The following EIF4ENIF1 variants were observed in gnomAD, a reference collection of about 807,000 sequenced individuals.
EIF4ENIF1 encodes eukaryotic translation initiation factor 4E transporter.
A neutral mutation model predicts 110.5 loss-of-function variants in EIF4ENIF1; 23 were observed. That is an observed-to-expected ratio of 0.21 (90% CI 0.15 to 0.29). The LOEUF (loss-of-function observed/expected upper bound fraction) is 0.29, where lower values mean the gene tolerates loss of function less well. Ranked by LOEUF, EIF4ENIF1 falls within the 10% of genes least tolerant of loss-of-function variation. The probability of loss-of-function intolerance (pLI) is 1.00; values close to 1 mark genes in which losing one functional copy is unlikely to be tolerated. For missense variants in EIF4ENIF1, 1,031 were observed against 1,221.1 expected, an observed-to-expected ratio of 0.84 and a Z score of 2.32; for synonymous variants, 440 against 437.0, an observed-to-expected ratio of 1.01 and a Z score of -0.09.
In EIF4ENIF1 at chr22:31,489,688, CCTTACTCGGT is replaced by C. The variant is rs2052190065; in HGVS notation, c.-32_-28+5del. ...GGACCCAGCCGCCACCGCCGCCGAC[CCTTACTCGGT>C]GCCTCCGCCGCTCGGCGGCCCTTTG... is the stretch of plus-strand genomic sequence containing the variant. On this transcript the variant is annotated splice_donor_variant and splice_donor_5th_base_variant and 5_prime_UTR_variant and intron_variant, in exon 1 of 19. Transcript: ENST00000330125. LOFTEE classifies it low-confidence loss of function (5UTR_SPLICE). The C allele has an allele frequency of 6.6e-6, 1 of 150,776 alleles. No homozygotes were observed. The highest frequency in any genetic ancestry group is 1.5e-5 in the Non-Finnish European group (1 of 67,694). 9.3% of individuals were successfully genotyped at this position (150,776 alleles called of 1,614,324 possible).
At chr22:31,471,544 G>C (rs2051380296) in intron 3 of EIF4ENIF1, among the ~76,000 whole-genome samples, 1 of 152,162 alleles carries the variant, frequency 6.6e-6, no homozygotes, top group Non-Finnish European at 1.5e-5. Flanking sequence ...TCGATCTCCT[G>C]ACCTCGTGAT....
At chr22:31,460,945 A>AAAAC (rs200629780) in intron 6 of EIF4ENIF1, among the ~76,000 whole-genome samples, 7,038 of 152,194 alleles carry the variant, frequency 0.046, 156 homozygotes, top group African/African-American at 0.055. Context: ...ACTCCATCTC[A>AAAAC]AAACAAACAA....
intron 2 of EIF4ENIF1, among the ~76,000 whole-genome samples, chr22:31,483,711 T>TA (rs2051914613): frequency 6.6e-6 from 1 of 152,136 alleles, no homozygotes; most frequent in Non-Finnish European, 1.5e-5. Context: ...AACCACTGTC[T>TA]AAACCACTCT....
chr22:31,478,313 G>C (rs935529359), intron 2 of EIF4ENIF1, among the ~76,000 whole-genome samples: 1 of 151,990 alleles, frequency 6.6e-6, no homozygotes, highest in Admixed American at 6.6e-5. Flanking sequence ...AGGAGTTCAT[G>C]AGCAGCCTGG....
chr22:31,457,682 C>A (rs2050871812), intron 7 of EIF4ENIF1, among the ~76,000 whole-genome samples: 1 of 152,132 alleles, frequency 6.6e-6, no homozygotes, highest in Admixed American at 6.5e-5. Flanking sequence ...AATTAAGCCA[C>A]AATATACTTC....
intron 11 of EIF4ENIF1, 96 bp from the exon 12 acceptor site, chr22:31,449,627 T>A: frequency 8.8e-7 from 1 of 1,139,104 alleles, no homozygotes; most frequent in Non-Finnish European, 1.2e-6. Flanking sequence ...ACAAGATGGA[T>A]CTCCCTCATG....
In EIF4ENIF1 at chr22:31,488,617, C is replaced by T; in HGVS notation, c.96+6G>A. 6.2e-7 allele frequency: 1 copy of T among 1,613,966 alleles called. No homozygotes were observed. Among genetic ancestry groups the T allele is most frequent in the Non-Finnish European group, 8.5e-7 (1 of 1,179,964 alleles). ...GAAACACTATTTCATTAGTGGCAAACCTTACTTTTGTATAGCGATGGGGGC... is the reference window on the plus strand; with the variant it reads ...GAAACACTATTTCATTAGTGGCAAATCTTACTTTTGTATAGCGATGGGGGC... On this transcript the variant is annotated splice_donor_region_variant and intron_variant, in intron 2 of 18. Transcript: ENST00000330125.
At chr22:31,456,527 AT>A (rs1167271481) in intron 7 of EIF4ENIF1, among the ~76,000 whole-genome samples, 1 of 147,406 alleles carries the variant, frequency 6.8e-6, no homozygotes, top group East Asian at 2.0e-4. Flanking sequence ...CCGGTCTACT[AT>A]TTTTTTAAGA....
chr22:31,441,080 C>T (rs1279339101), intron 17 of EIF4ENIF1, among the ~76,000 whole-genome samples: 9 of 152,086 alleles, frequency 5.9e-5, no homozygotes, highest in African/African-American at 2.2e-4. Flanking sequence ...CATGGTGAAA[C>T]CCTGTCTCTA....
chr22:31,456,586 C>T (rs2050839345), intron 7 of EIF4ENIF1, among the ~76,000 whole-genome samples: 1 of 152,104 alleles, frequency 6.6e-6, no homozygotes, highest in Admixed American at 6.6e-5. Context: ...GCAATCTTGG[C>T]TCACTGCAAC....
intron 2 of EIF4ENIF1, among the ~76,000 whole-genome samples, chr22:31,476,200 C>T (rs770438961): frequency 6.6e-6 from 1 of 152,056 alleles, no homozygotes; most frequent in African/African-American, 2.4e-5. Flanking sequence ...TACTAAGAAC[C>T]CTAATGTGCT....
In EIF4ENIF1 at chr22:31,464,498, T is replaced by G. The variant is rs1601608173; in HGVS notation, c.299-531A>C. On this transcript the variant is annotated intron_variant, in intron 4 of 18. Transcript: ENST00000330125. ...TTCAAGACCAGCCTGGCCAAGATGGTGAAACCCCGTCTCTACTAAAACTAC... is the reference window on the plus strand; with the variant it reads ...TTCAAGACCAGCCTGGCCAAGATGGGGAAACCCCGTCTCTACTAAAACTAC... Among the ~76,000 whole-genome samples, 13 of 150,584 alleles carry G rather than the reference T, an allele frequency of 8.6e-5. No homozygotes were observed. In the South Asian group the frequency reaches 2.8e-3, roughly 32 times the overall value.
Position 31,447,200 on chromosome 22 carries a change from CG to C in EIF4ENIF1, c.1988+225del, listed in dbSNP as rs946569417. ...AAAAAAGTAATTTATAAATCAAGAACGGAAATAAAACCATATAGAATGAAAG... is the reference window on the plus strand; with the variant it reads ...AAAAAAGTAATTTATAAATCAAGAACGAAATAAAACCATATAGAATGAAAG... On this transcript the variant is annotated intron_variant, in intron 14 of 18. Coordinates refer to ENST00000330125, the MANE Select transcript of EIF4ENIF1 (RefSeq NM_019843.4). Among the ~76,000 whole-genome samples the C allele has an allele frequency of 4.6e-5, 7 of 152,076 alleles. No homozygotes were observed. The East Asian group carries it at 1.3e-3, about 29-fold the overall frequency.
At chr22:31,456,952 T>G (rs2050850073) in intron 7 of EIF4ENIF1, among the ~76,000 whole-genome samples, 1 of 152,244 alleles carries the variant, frequency 6.6e-6, no homozygotes, top group Non-Finnish European at 1.5e-5. Flanking sequence ...ACTGACAAGC[T>G]GATGAGTGAC....
intron 7 of EIF4ENIF1, among the ~76,000 whole-genome samples, chr22:31,456,253 T>G (rs1329821213): frequency 2.7e-5 from 4 of 148,144 alleles, no homozygotes; most frequent in Non-Finnish European, 6.0e-5. Flanking sequence ...AGACAGAGTC[T>G]CGCTCTGTCA....
chr22:31,479,254 A>G (rs1184987976), intron 2 of EIF4ENIF1: 1 of 152,080 alleles, frequency 6.6e-6, no homozygotes, highest in Non-Finnish European at 1.5e-5. Context: ...GTATTTTAGT[A>G]GAGATGCGGT....
chr22:31,452,591 A>G (rs966878472), intron 10 of EIF4ENIF1, among the ~76,000 whole-genome samples: 1 of 152,230 alleles, frequency 6.6e-6, no homozygotes, highest in African/African-American at 2.4e-5. Context: ...CCATATTTTT[A>G]GTTGCTCACA....
In EIF4ENIF1 at chr22:31,464,675, C is replaced by CAAAAAAAAAAAAAAAAAA. The variant is rs770904708; in HGVS notation, c.299-726_299-709dup. 9.7e-5 allele frequency among the ~76,000 whole-genome samples: 3 copies of CAAAAAAAAAAAAAAAAAA among 30,912 alleles called. 1 individual carries two copies. Among genetic ancestry groups the CAAAAAAAAAAAAAAAAAA allele is most frequent in the African/African-American group, 3.5e-4 (1 of 2,856 alleles). The allele number at this position is 30,912 out of a possible 152,430, so 20.3% of individuals were successfully genotyped here. A position where few individuals can be genotyped will look rare whatever the true frequency, so the allele number is the denominator to read the frequency against. ...TGGGCAAAAGACTAAGATTCAGTCT[C>CAAAAAAAAAAAAAAAAAA]AAAAAAAAAAAAAAAAAAAAAAAAA... On this transcript the variant is annotated intron_variant, in intron 4 of 18. Transcript: ENST00000330125.
chr22:31,463,755 G>A lies in EIF4ENIF1; in HGVS notation c.511C>T (p.Arg171Cys), dbSNP rs1423565989. 4.3e-6 allele frequency: 7 copies of A among 1,613,626 alleles called. No individual in the cohort carries two copies. The Admixed American group carries it at 6.7e-5, about 15-fold the overall frequency. Residue 171 changes from arginine to cysteine, a missense_variant, in exon 5 of 19, where the codon CGT (arginine) becomes TGT (cysteine). Arg to Cys is a radical substitution (Grantham distance 180). This residue lies in a region of EIF4ENIF1 where 704 missense variants were observed against 879.7 expected (regional missense o/e 0.80). Coordinates refer to ENST00000330125, the MANE Select transcript of EIF4ENIF1 (RefSeq NM_019843.4). ...TCCCGCAGGTCCTTATCGCTAAGAC[G>A]GTGATCCTTCTCAAAGGTCCGGGCA... Reference protein sequence around the residue: ...ISARTFEKDHRLSDKDLRDLR... With the variant: ...ISARTFEKDHCLSDKDLRDLR...
Sources: gnomAD v4.1 joint callset for allele counts (sites outside exome capture counted in the v4.1 genomes callset) on GRCh38, gnomAD v4.1.1 for gene constraint, gnomAD v4.1.1 regional missense constraint, MANE v1.5 for transcripts, NCBI Gene and HGNC (gene_info 2026-07-23, HGNC 2026-07-21) for gene names.